ZDHHC2: variants seen among roughly 807,000 people sequenced by gnomAD.
ZDHHC2 encodes zDHHC palmitoyltransferase 2.
Under a neutral mutation model 55.6 loss-of-function variants are expected in ZDHHC2, and 51 were observed. The observed-to-expected ratio is 0.92, with a 90% CI of 0.73 to 1.16. The LOEUF is 1.16. Ranked by LOEUF, ZDHHC2 falls within the 50% of genes most tolerant of loss-of-function variation. The pLI, the probability that ZDHHC2 is intolerant of heterozygous loss-of-function variation, is 0.00. For missense variants in ZDHHC2, 491 were observed against 442.4 expected, an observed-to-expected ratio of 1.11 and a Z score of -0.99; for synonymous variants, 199 against 152.9, an observed-to-expected ratio of 1.30 and a Z score of -2.22.
intron 10 of ZDHHC2, among the ~76,000 whole-genome samples, chr8:17,214,591 G>A (rs184391233): frequency 3.9e-5 from 6 of 152,060 alleles, no homozygotes; most frequent in East Asian, 3.9e-4. Context: ...AGAAACTCGC[G>A]TAACTTTCTA....
chr8:17,217,346 T>C (rs1048337815), intron 12 of ZDHHC2, 100 bp downstream of exon 12: 3 of 883,120 alleles, frequency 3.4e-6, no homozygotes, highest in Non-Finnish European at 5.1e-6. Flanking sequence ...TTGTGAGTGA[T>C]TCATATAGAA....
At chr8:17,184,035 C>T (rs1403185096) in intron 1 of ZDHHC2, among the ~76,000 whole-genome samples, 1 of 152,192 alleles carries the variant, frequency 6.6e-6, no homozygotes, top group Non-Finnish European at 1.5e-5. Flanking sequence ...CAAAGTCAGA[C>T]TTGCTACAGC....
chr8:17,217,415 C>G (rs1317836444), intron 12 of ZDHHC2, among the ~76,000 whole-genome samples, 169 bp downstream of exon 12: 1 of 152,016 alleles, frequency 6.6e-6, no homozygotes, highest in Non-Finnish European at 1.5e-5. Context: ...GAGTGCAGAC[C>G]TAGCTTCAGT....
chr8:17,166,881 A>G (rs545154970), intron 1 of ZDHHC2, among the ~76,000 whole-genome samples: 6 of 152,316 alleles, frequency 3.9e-5, no homozygotes, highest in African/African-American at 9.6e-5. Context: ...ATGACTTTCA[A>G]TGTAATTTAC....
chr8:17,208,012 C>G lies in ZDHHC2; in HGVS notation c.650C>G (p.Ala217Gly), dbSNP rs774070664. The G allele has an allele frequency of 1.9e-6, 3 of 1,596,104 alleles. No homozygotes were observed. Among genetic ancestry groups the G allele is most frequent in the Non-Finnish European group, 1.7e-6 (2 of 1,170,398 alleles). Reference protein sequence around the residue: ...AKFHIMFLFFAAAMFSVSLSS... With the variant: ...AKFHIMFLFFGAAMFSVSLSS... ...TTCCATATTATGTTTTTATTCTTTG[C>G]TGCAGCTATGTTTTCTGTCAGCTTG... The change falls in exon 8 of 13, where the codon GCT (alanine) becomes GGT (glycine). Residue 217 changes from alanine to glycine, a missense_variant. Coordinates refer to ENST00000262096, the MANE Select transcript of ZDHHC2 (RefSeq NM_016353.5).
chr8:17,187,798 T>A lies in ZDHHC2; in HGVS notation c.252+1373T>A, dbSNP rs376479005. ...GATAACTCCCAAATCTGTTTTGAGTTCTAAACTCCCCCTTAAATTTCAAAC... is the reference window on the plus strand; with the variant it reads ...GATAACTCCCAAATCTGTTTTGAGTACTAAACTCCCCCTTAAATTTCAAAC... On this transcript the variant is annotated intron_variant, in intron 3 of 12. Coordinates refer to ENST00000262096, the MANE Select transcript of ZDHHC2 (RefSeq NM_016353.5). Among the ~76,000 whole-genome samples, 3 of 152,212 alleles carry A rather than the reference T, an allele frequency of 2.0e-5. No homozygotes were observed. In the South Asian group the frequency reaches 6.2e-4, roughly 32 times the overall value.
At chr8:17,179,820 CAAGA>C (rs2150900095) in intron 1 of ZDHHC2, among the ~76,000 whole-genome samples, 1 of 152,250 alleles carries the variant, frequency 6.6e-6, no homozygotes, top group Admixed American at 6.5e-5. Flanking sequence ...CCGTCAGGGC[CAAGA>C]AAGTGCTGCA....
At chr8:17,218,958 A>T (rs1807776783) in intron 12 of ZDHHC2, among the ~76,000 whole-genome samples, 1 of 152,132 alleles carries the variant, frequency 6.6e-6, no homozygotes, top group Non-Finnish European at 1.5e-5. Flanking sequence ...TATATTAAAT[A>T]TCTTCATATT....
chr8:17,205,356 G>A (rs1000094245), intron 6 of ZDHHC2, among the ~76,000 whole-genome samples: 1 of 152,182 alleles, frequency 6.6e-6, no homozygotes, highest in African/African-American at 2.4e-5. Flanking sequence ...GGCCTGATAC[G>A]GTTTCTCGCA....
At chr8:17,196,520 C>G (rs749694286) in intron 4 of ZDHHC2, among the ~76,000 whole-genome samples, 6 of 151,530 alleles carry the variant, frequency 4.0e-5, no homozygotes, top group Non-Finnish European at 7.4e-5. Flanking sequence ...CACCACTGCA[C>G]TGCCGCCTGG....
chr8:17,204,301 A>G (rs1031738350), intron 6 of ZDHHC2, among the ~76,000 whole-genome samples: 4 of 152,198 alleles, frequency 2.6e-5, no homozygotes, highest in Non-Finnish European at 5.9e-5. Flanking sequence ...GTCAATGGAG[A>G]GTGAGATGAT....
In ZDHHC2 at chr8:17,209,623, A is replaced by G. The variant is rs113157359; in HGVS notation, c.731-309A>G. Among the ~76,000 whole-genome samples the G allele has an allele frequency of 1.1e-3, 170 of 152,360 alleles. 1 individual carries two copies. Among genetic ancestry groups the G allele is most frequent in the African/African-American group, 4.0e-3 (166 of 41,590 alleles). Reference sequence around the variant, plus strand: ...TATGGATCCATCCATTTATCTATCTATTGATCAAAAGATCCAGAAGATGCA... The same window carrying G: ...TATGGATCCATCCATTTATCTATCTGTTGATCAAAAGATCCAGAAGATGCA... On this transcript the variant is annotated intron_variant, in intron 8 of 12. Coordinates refer to ENST00000262096, the MANE Select transcript of ZDHHC2 (RefSeq NM_016353.5).
chr8:17,185,937 TG>T (rs1805684276), intron 2 of ZDHHC2, among the ~76,000 whole-genome samples: 1 of 152,236 alleles, frequency 6.6e-6, no homozygotes, highest in African/African-American at 2.4e-5. Flanking sequence ...TTGTTATCTG[TG>T]TCAGTAAAGC....
rs934772027 is a variant in ZDHHC2 at position 17,156,503 on chromosome 8, A to AGCC, written c.-214_-212dup. 547 of 171,082 alleles carry AGCC rather than the reference A, an allele frequency of 3.2e-3. 5 individuals are homozygous for AGCC. The highest frequency in any genetic ancestry group is 0.013 in the African/African-American group (527 of 41,376). The allele number at this position is 171,082 out of a possible 1,614,324, so 10.6% of individuals were successfully genotyped here. A position where few individuals can be genotyped will look rare whatever the true frequency, so the allele number is the denominator to read the frequency against. On this transcript the variant is annotated 5_prime_UTR_variant, in exon 1 of 13. Transcript: ENST00000262096. ...CTCCGCCTCCTCGGCCTCCGCTCGC[A>AGCC]GCCGCCGCCTCCGCCTCCGCCGGGC...
At chr8:17,175,420 T>A (rs1253177354) in intron 1 of ZDHHC2, among the ~76,000 whole-genome samples, 1 of 152,250 alleles carries the variant, frequency 6.6e-6, no homozygotes, top group African/African-American at 2.4e-5. Flanking sequence ...AACTTGGCAT[T>A]TCACGCTGCA....
rs752377762 is a variant in ZDHHC2, at chr8:17,215,325, A to G, written c.1039A>G (p.Ile347Val). The change falls in exon 11 of 13, where the codon ATA becomes GTA. Residue 347 changes from isoleucine to valine, a missense_variant. By Grantham distance (29) the Ile-to-Val change is conservative (BLOSUM62 3). Transcript: ENST00000262096. ...TTCTCAGTCTTGGACGGAGAGCAGC[A>G]TAAACCCAGGAAAATGCAAAGCTGG... is the stretch of plus-strand genomic sequence containing the variant. The part of the protein sequence containing the change: ...TDSQSWTESS[I>V]NPGKCKAGMS... The G allele has an allele frequency of 1.8e-5, 28 of 1,588,060 alleles. No homozygotes were observed. The East Asian group carries it at 4.8e-4, about 27-fold the overall frequency.
chr8:17,197,308 C>G (rs964822376), intron 4 of ZDHHC2, among the ~76,000 whole-genome samples: 4 of 152,082 alleles, frequency 2.6e-5, no homozygotes, highest in African/African-American at 9.7e-5. Context: ...TATTTGTACC[C>G]TTTGTGAGCC....
chr8:17,170,513 A>G (rs952946837), intron 1 of ZDHHC2, among the ~76,000 whole-genome samples: 2 of 152,194 alleles, frequency 1.3e-5, no homozygotes, highest in Non-Finnish European at 2.9e-5. Context: ...TAATTGGATT[A>G]ATTTTTAAAT....
chr8:17,192,301 G>A (rs1563155958), intron 3 of ZDHHC2, among the ~76,000 whole-genome samples: 1 of 152,074 alleles, frequency 6.6e-6, no homozygotes, highest in Non-Finnish European at 1.5e-5. Context: ...CTATCTTTAG[G>A]ATAAAAGCTA....
Sources: allele counts gnomAD v4.1 joint callset (sites outside exome capture counted in the v4.1 genomes callset), GRCh38; gene constraint gnomAD v4.1.1; transcripts MANE v1.5; gene names NCBI Gene and HGNC (gene_info 2026-07-23, HGNC 2026-07-21).